Variants in JPH3 observed in about 807,000 individuals in gnomAD.
JPH3 encodes junctophilin-3.
A neutral mutation model predicts 59.6 loss-of-function variants in JPH3; 11 were observed. The observed-to-expected ratio is 0.18, with a 90% CI of 0.12 to 0.31. The LOEUF (loss-of-function observed/expected upper bound fraction) is 0.31, where lower values mean the gene tolerates loss of function less well. Among genes scored for constraint, JPH3 ranks in the 10% least tolerant of loss-of-function variants. The pLI is 1.00. For missense variants in JPH3, 1,202 were observed against 1,105.7 expected (o/e 1.09, Z -1.24); for synonymous variants, 673 against 483.6 (o/e 1.39, Z -5.14).
chr16:87,690,729 C>T (rs888779490), intron 4 of JPH3, among the ~76,000 whole-genome samples: 3 of 152,200 alleles, frequency 2.0e-5, no homozygotes, highest in Admixed American at 6.5e-5. Context: ...AGGTGTCATA[C>T]CTCTTTCCGT....
chr16:87,681,259 C>G (rs58026476), intron 2 of JPH3, among the ~76,000 whole-genome samples: 16,112 of 98,780 alleles, frequency 0.16, 1,217 homozygotes, highest in Admixed American at 0.27. Context: ...CAGAAGGTCA[C>G]GTGCGCGCGG....
chr16:87,638,602 C>T (rs545266460), intron 1 of JPH3, among the ~76,000 whole-genome samples: 3 of 152,150 alleles, frequency 2.0e-5, no homozygotes, highest in South Asian at 4.2e-4. Flanking sequence ...TGAGGTGGGT[C>T]GGCTTGGTTC....
At chr16:87,662,481 A>T (rs1041533119) in intron 2 of JPH3, among the ~76,000 whole-genome samples, 1 of 151,154 alleles carries the variant, frequency 6.6e-6, no homozygotes, top group Non-Finnish European at 1.5e-5. Context: ...GTGGTTGTTT[A>T]TAGTGGAATT....
intron 2 of JPH3, among the ~76,000 whole-genome samples, chr16:87,645,681 G>A (rs764185464): frequency 2.4e-4 from 36 of 152,206 alleles, no homozygotes; most frequent in Non-Finnish European, 4.0e-4. Context: ...CTGTGGGTGG[G>A]ATCGACGTGG....
At chr16:87,668,897 C>T (rs1046194342) in intron 2 of JPH3, among the ~76,000 whole-genome samples, 9 of 134,900 alleles carry the variant, frequency 6.7e-5, no homozygotes, top group African/African-American at 1.7e-4. Context: ...CCGGCTGTCC[C>T]GGAGGCCGTG....
chr16:87,677,139 A>G lies in JPH3; in HGVS notation c.1161-7003A>G, dbSNP rs144635520. Reference sequence around the variant, plus strand: ...GTGCCACTGCAATCCAGCCTAGGCGACAGAGTGGGACTCCATTATACACAC... The same window carrying G: ...GTGCCACTGCAATCCAGCCTAGGCGGCAGAGTGGGACTCCATTATACACAC... On this transcript the variant is annotated intron_variant, in intron 2 of 4. Transcript: ENST00000284262. Among the ~76,000 whole-genome samples, 1,235 of 150,350 alleles carry G rather than the reference A, an allele frequency of 8.2e-3. 45 individuals are homozygous for G. Among genetic ancestry groups the G allele is most frequent in the African/African-American group, 0.029 (1,169 of 40,362 alleles).
chr16:87,688,277 A>C (rs941044549), intron 3 of JPH3, among the ~76,000 whole-genome samples: 1 of 152,052 alleles, frequency 6.6e-6, no homozygotes, highest in Non-Finnish European at 1.5e-5. Context: ...CCCAAGCCCC[A>C]GGCCAGGGCC....
intron 2 of JPH3, 46 bp downstream of exon 2, chr16:87,645,081 T>C (rs1364416769): frequency 6.4e-7 from 1 of 1,554,396 alleles, no homozygotes; most frequent in Admixed American, 1.8e-5. Context: ...GCCCAGAAGG[T>C]GTTTGTGAGC....
chr16:87,645,604 C>A lies in JPH3; in HGVS notation c.1160+569C>A, dbSNP rs539979877. Among the ~76,000 whole-genome samples the A allele has an allele frequency of 6.4e-3, 972 of 152,306 alleles. 5 individuals carry two copies. The highest frequency in any genetic ancestry group is 9.5e-3 in the Non-Finnish European group (643 of 68,024). On this transcript the variant is annotated intron_variant, in intron 2 of 4. Transcript: ENST00000284262. ...GGGGGCAGCCGCTGTTCTGAATCGG[C>A]TGCATGACTTACGGAATTTGGGGTC... is the stretch of plus-strand genomic sequence containing the variant.
chr16:87,660,988 C>T (rs2032684041), intron 2 of JPH3, among the ~76,000 whole-genome samples: 1 of 152,190 alleles, frequency 6.6e-6, no homozygotes, highest in African/African-American at 2.4e-5. Context: ...CGGATCTTGG[C>T]TTTAAGTTGT....
chr16:87,645,050 G>A lies in JPH3; in HGVS notation c.1160+15G>A. On this transcript the variant is annotated intron_variant, in intron 2 of 4. Transcript: ENST00000284262. ...GCGGCTTCCAGGTAGGAGGGCGAGGGGGCGGGGGGCCCTTCTTGGTGCCCA... is the reference window on the plus strand; with the variant it reads ...GCGGCTTCCAGGTAGGAGGGCGAGGAGGCGGGGGGCCCTTCTTGGTGCCCA... 1 of 1,589,882 alleles carries A rather than the reference G, an allele frequency of 6.3e-7. No individual in the cohort carries two copies. The highest frequency in any genetic ancestry group is 8.5e-7 in the Non-Finnish European group (1 of 1,174,494).
chr16:87,680,699 C>A (rs188988130), intron 2 of JPH3, among the ~76,000 whole-genome samples: 98 of 152,280 alleles, frequency 6.4e-4, no homozygotes, highest in Middle Eastern at 3.4e-3. Context: ...AGCCATTACC[C>A]CTTGGAGAAC....
At chr16:87,607,639 T>C (rs2030574322) in intron 1 of JPH3, among the ~76,000 whole-genome samples, 1 of 152,332 alleles carries the variant, frequency 6.6e-6, no homozygotes, top group East Asian at 1.9e-4. Context: ...TAAACACACG[T>C]TTATGCTGTT....
intron 1 of JPH3, among the ~76,000 whole-genome samples, chr16:87,623,111 C>G (rs2031249258): frequency 6.6e-6 from 1 of 152,216 alleles, no homozygotes; most frequent in Non-Finnish European, 1.5e-5. Flanking sequence ...GAGGAGTCCA[C>G]TCTGCCCACC....
intron 2 of JPH3, among the ~76,000 whole-genome samples, chr16:87,647,335 A>C (rs994630304): frequency 5.3e-5 from 8 of 151,812 alleles, no homozygotes; most frequent in Admixed American, 4.6e-4. Flanking sequence ...TGGCATGGCC[A>C]GCATCCCTGT....
intron 1 of JPH3, among the ~76,000 whole-genome samples, chr16:87,625,406 C>T (rs2031335656): frequency 6.6e-6 from 1 of 152,176 alleles, no homozygotes; most frequent in Non-Finnish European, 1.5e-5. Context: ...TCGCAGGCTG[C>T]CTGGGCCCAG....
intron 1 of JPH3, among the ~76,000 whole-genome samples, chr16:87,621,714 A>G (rs770061846): frequency 2.0e-5 from 3 of 152,104 alleles, no homozygotes; most frequent in African/African-American, 4.8e-5. Flanking sequence ...TCCCCCAGGA[A>G]CCACGGGGCA....
At chr16:87,632,559 C>A (rs1050037416) in intron 1 of JPH3, among the ~76,000 whole-genome samples, 24 of 152,192 alleles carry the variant, frequency 1.6e-4, no homozygotes, top group African/African-American at 5.5e-4. Flanking sequence ...TGGGCTGAAG[C>A]AGCTGGACTA....
intron 1 of JPH3, among the ~76,000 whole-genome samples, chr16:87,608,017 A>G (rs1355268903): frequency 6.6e-6 from 1 of 152,222 alleles, no homozygotes; most frequent in Non-Finnish European, 1.5e-5. Context: ...ACCCCTACCC[A>G]CGTTGGCCGT....
Sources: allele counts gnomAD v4.1 joint callset (sites outside exome capture counted in the v4.1 genomes callset), GRCh38; gene constraint gnomAD v4.1.1; transcripts MANE v1.5; gene names NCBI Gene and HGNC (gene_info 2026-07-23, HGNC 2026-07-21).